Variants in RNF20 observed in about 807,000 individuals in gnomAD.
RNF20 encodes the protein E3 ubiquitin-protein ligase BRE1A.
Under a neutral mutation model 126.2 loss-of-function variants are expected in RNF20, and 84 were observed. The ratio of observed to expected loss-of-function variants is 0.67; its 90% CI spans 0.56 to 0.80. The LOEUF (loss-of-function observed/expected upper bound fraction) is 0.80, where lower values mean the gene tolerates loss of function less well. RNF20 is among the 30% of genes least tolerant of loss of function. The probability of loss-of-function intolerance (pLI) is 0.00; values close to 1 mark genes in which losing one functional copy is unlikely to be tolerated. For synonymous variants in RNF20, 400 were observed against 414.3 expected, an observed-to-expected ratio of 0.97 and a Z score of 0.42; for missense variants, 869 against 1,188.2, an observed-to-expected ratio of 0.73 and a Z score of 3.95.
chr9:101,551,597 G>A lies in RNF20; in HGVS notation c.1273-87G>A. Reference sequence around the variant, plus strand: ...GGTTTCATTACGTATAGATTGAACTGGAAATTTTCAGAGTAATCCATAGAA... The same window carrying A: ...GGTTTCATTACGTATAGATTGAACTAGAAATTTTCAGAGTAATCCATAGAA... On this transcript the variant is annotated intron_variant, in intron 10 of 19. Coordinates refer to ENST00000389120, the MANE Select transcript of RNF20 (RefSeq NM_019592.7). 6.3e-6 allele frequency: 4 copies of A among 636,276 alleles called. No individual in the cohort carries two copies. The South Asian group carries it at 1.2e-4, about 19-fold the overall frequency. The allele number at this position is 636,276 out of a possible 1,614,324, so 39.4% of individuals were successfully genotyped here.
Position 101,561,095 on chromosome 9 carries a change from G to A in RNF20, c.2514G>A (p.Met838Ile), listed in dbSNP as rs928383961. ...TATTTGTACATCCTACATAGGCAAT[G>A]GAGGCAGCCCAGCTTGCAGATGACC... ...QALEMNKRKA[M>I]EAAQLADDLK... The change falls in exon 18 of 20, where the codon ATG becomes ATA. Residue 838 changes from methionine to isoleucine, a missense_variant. Met to Ile is a conservative substitution (Grantham distance 10). Coordinates refer to ENST00000389120, the MANE Select transcript of RNF20 (RefSeq NM_019592.7). The A allele has an allele frequency of 3.7e-6, 6 of 1,613,482 alleles. No homozygotes were observed. Among genetic ancestry groups the A allele is most frequent in the Non-Finnish European group, 5.1e-6 (6 of 1,179,750 alleles).
intron 15 of RNF20, among the ~76,000 whole-genome samples, chr9:101,555,646 C>T (rs1827520606): frequency 6.6e-6 from 1 of 152,040 alleles, no homozygotes; most frequent in South Asian, 2.1e-4. Context: ...ATACACATTC[C>T]TTTTGTTAAC....
rs753432758 is a variant in RNF20, at chr9:101,552,223, T to C, written c.1491T>C (p.Tyr497=). The C allele has an allele frequency of 1.5e-5, 25 of 1,613,992 alleles. No individual in the cohort carries two copies. The highest frequency in any genetic ancestry group is 1.9e-5 in the Non-Finnish European group (23 of 1,180,002). ...NHQLKGEVLR[Y]KRKLREAQSD... ...AGCTGAAAGGGGAGGTCCTGAGATA[T>C]AAGCGGAAATTGAGAGAAGCCCAGT... The change falls in exon 12 of 20, where the codon TAT becomes TAC. Residue 497 remains tyrosine (Y), a synonymous_variant. Transcript: ENST00000389120.
At chr9:101,560,533 A>C in intron 16 of RNF20, 5 of 261,540 alleles carry the variant, frequency 1.9e-5, no homozygotes, top group East Asian at 9.3e-5. Flanking sequence ...TTTAAGCATT[A>C]GCATGCATTC....
intron 11 of RNF20, 96 bp from the exon 12 acceptor site, chr9:101,552,045 T>C: frequency 6.7e-7 from 1 of 1,489,688 alleles, no homozygotes; most frequent in Non-Finnish European, 9.2e-7. Context: ...TAATTCTCCC[T>C]ATTTCTCAGT....
In RNF20 at chr9:101,553,891, C is replaced by T. The variant is rs111462283; in HGVS notation, c.1902-97C>T. 1.3e-4 allele frequency: 85 copies of T among 642,176 alleles called. 1 individual carries two copies. In the South Asian group the frequency reaches 1.9e-3, roughly 14 times the overall value. The allele number at this position is 642,176 out of a possible 1,614,324, so 39.8% of individuals were successfully genotyped here. A position where few individuals can be genotyped will look rare whatever the true frequency, so the allele number is the denominator to read the frequency against. ...GTGTGATATGAAATGTAAAATGAAA[C>T]TGTTTTAAAATATTCTGCTCAATCA... is the stretch of plus-strand genomic sequence containing the variant. On this transcript the variant is annotated intron_variant, in intron 13 of 19. Coordinates refer to ENST00000389120, the MANE Select transcript of RNF20 (RefSeq NM_019592.7).
At chr9:101,553,324 A>C (rs1407350467) in intron 13 of RNF20, among the ~76,000 whole-genome samples, 5 of 152,228 alleles carry the variant, frequency 3.3e-5, no homozygotes, top group Non-Finnish European at 7.3e-5. Flanking sequence ...CTTCTCTGGC[A>C]GAACGGCTTA....
At chr9:101,542,277 A>G (rs1827272061) in intron 5 of RNF20, among the ~76,000 whole-genome samples, 1 of 152,260 alleles carries the variant, frequency 6.6e-6, no homozygotes, top group Non-Finnish European at 1.5e-5. Context: ...AGGAAAACAG[A>G]TACTTGTTTA....
In RNF20 at chr9:101,562,395, T is replaced by A; in HGVS notation, c.2901T>A (p.Asn967Lys). The A allele has an allele frequency of 6.2e-7, 1 of 1,613,788 alleles. No individual in the cohort carries two copies. Among genetic ancestry groups the A allele is most frequent in the Non-Finnish European group, 8.5e-7 (1 of 1,179,872 alleles). The change falls in exon 20 of 20, where the codon AAT becomes AAA. Residue 967 changes from asparagine to lysine, a missense_variant. Asn to Lys is a moderately conservative substitution (Grantham distance 94). Coordinates refer to ENST00000389120, the MANE Select transcript of RNF20 (RefSeq NM_019592.7). ...AGTGTAATGCTGCTTTTGGTGCCAA[T>A]GATTTTCATCGCATCTACATTGGTT... Reference protein sequence around the residue: ...CPKCNAAFGANDFHRIYIG With the variant: ...CPKCNAAFGAKDFHRIYIG
chr9:101,537,888 G>C (rs1827207160), intron 2 of RNF20, among the ~76,000 whole-genome samples: 1 of 152,196 alleles, frequency 6.6e-6, no homozygotes, highest in African/African-American at 2.4e-5. Flanking sequence ...ATGGCACCCT[G>C]TTTTCAGTGA....
At chr9:101,543,610 G>A (rs897622842) in intron 5 of RNF20, among the ~76,000 whole-genome samples, 1 of 152,050 alleles carries the variant, frequency 6.6e-6, no homozygotes, top group South Asian at 2.1e-4. Context: ...CTGCCAGGGC[G>A]GCACTGTCTA....
At chr9:101,535,837 T>C (rs1211104204) in intron 2 of RNF20, among the ~76,000 whole-genome samples, 2 of 152,210 alleles carry the variant, frequency 1.3e-5, no homozygotes, top group African/African-American at 2.4e-5. Context: ...AAGATACACA[T>C]TTATTTTTCA....
Position 101,546,964 on chromosome 9 carries a change from C to T in RNF20, c.892C>T (p.Arg298Trp), listed in dbSNP as rs753765875. ...LNRHLAEVLE[R>W]VNSKGYKVYG... ...CCGACACTTAGCAGAAGTCCTAGAA[C>T]GGGTCAGTGCTGTTTTATGGCTTGG... The change falls in exon 7 of 20, where the codon CGG becomes TGG. Residue 298 changes from arginine (R) to tryptophan (W), a missense_variant and splice_region_variant. Around this residue, in one of 8 missense-constraint regions of RNF20, gnomAD observed 153 missense variants for 226.4 expected, o/e 0.68. Coordinates refer to ENST00000389120, the MANE Select transcript of RNF20 (RefSeq NM_019592.7). 1 of 1,613,996 alleles carries T rather than the reference C, an allele frequency of 6.2e-7. No homozygotes were observed.
intron 15 of RNF20, among the ~76,000 whole-genome samples, chr9:101,555,679 C>T (rs1042970772): frequency 1.1e-4 from 16 of 151,708 alleles, no homozygotes; most frequent in African/African-American, 3.6e-4. Flanking sequence ...GGGCTGGGCG[C>T]GGTGGCTCAT....
At chr9:101,557,690 T>C (rs1195262070) in intron 16 of RNF20, 94 bp downstream of exon 16, 2 of 984,462 alleles carry the variant, frequency 2.0e-6, no homozygotes, top group Non-Finnish European at 3.0e-6. Flanking sequence ...GGCACATTTT[T>C]GTGATTGGAA....
intron 2 of RNF20, among the ~76,000 whole-genome samples, chr9:101,537,162 G>A (rs560119597): frequency 7.2e-5 from 11 of 152,324 alleles, no homozygotes; most frequent in Admixed American, 4.6e-4. Context: ...GCTGAAATCT[G>A]GCAGGCTGAC....
At chr9:101,556,263 G>C (rs2118731129) in intron 15 of RNF20, among the ~76,000 whole-genome samples, 1 of 152,188 alleles carries the variant, frequency 6.6e-6, no homozygotes, top group South Asian at 2.1e-4. Flanking sequence ...AGAGTAACAA[G>C]AGAAATTGAA....
Position 101,540,941 on chromosome 9 carries a change from A to G in RNF20, c.594A>G (p.Lys198=). 1 of 1,614,098 alleles carries G rather than the reference A, an allele frequency of 6.2e-7. No individual in the cohort carries two copies. Among genetic ancestry groups the G allele is most frequent in the Non-Finnish European group, 8.5e-7 (1 of 1,179,986 alleles). ...IVTVYDKLQE[K]VELLSRKLNS... is the part of the protein sequence containing the mutation. ...CTGTTTATGATAAATTGCAAGAAAA[A>G]GTGGAGCTCTTATCCCGGAAGCTAA... The change falls in exon 5 of 20, where the codon AAA becomes AAG. Residue 198 remains lysine, a synonymous_variant. Transcript: ENST00000389120.
intron 9 of RNF20, among the ~76,000 whole-genome samples, chr9:101,549,518 A>T (rs1012130671): frequency 6.6e-6 from 1 of 152,144 alleles, no homozygotes; most frequent in Non-Finnish European, 1.5e-5. Flanking sequence ...GACGAGCCTG[A>T]CTAATGTCAG....
Sources: allele counts gnomAD v4.1 joint callset (sites outside exome capture counted in the v4.1 genomes callset), GRCh38; gene constraint gnomAD v4.1.1; regional missense constraint gnomAD v4.1.1; transcripts MANE v1.5; gene names NCBI Gene and HGNC (gene_info 2026-07-23, HGNC 2026-07-21).